MARCO: variants seen among roughly 807,000 people sequenced by gnomAD.
MARCO encodes macrophage receptor MARCO.
A neutral mutation model predicts 70.0 loss-of-function variants in MARCO; 72 were observed. The ratio of observed to expected loss-of-function variants is 1.03; its 90% CI spans 0.85 to 1.25. The LOEUF is 1.25. Ranked by LOEUF, MARCO falls within the 50% of genes most tolerant of loss-of-function variation. The pLI, the probability that MARCO is intolerant of heterozygous loss-of-function variation, is 0.00. For missense variants in MARCO, 696 were observed against 659.3 expected (o/e 1.06, Z -0.61); for synonymous variants, 273 against 243.1 (o/e 1.12, Z -1.14).
chr2:118,968,224 A>T lies in MARCO; in HGVS notation c.98-936A>T, dbSNP rs566420582. On this transcript the variant is annotated intron_variant, in intron 1 of 16. Coordinates refer to ENST00000327097, the MANE Select transcript of MARCO (RefSeq NM_006770.4). ...ACAAGACAGAGTAACAGCTGACGAA[A>T]GACTAGAGTCAGGACTTCCAGGCAA... Among the ~76,000 whole-genome samples, 58 of 152,306 alleles carry T rather than the reference A, an allele frequency of 3.8e-4. No homozygotes were observed. In the Middle Eastern group the frequency reaches 0.017, roughly 45 times the overall value.
chr2:118,964,862 TG>T (rs1203821340), intron 1 of MARCO, among the ~76,000 whole-genome samples: 1 of 145,844 alleles, frequency 6.9e-6, no homozygotes, highest in Non-Finnish European at 1.5e-5. Context: ...CACTCCAGCC[TG>T]GGCGACAGAG....
intron 6 of MARCO, among the ~76,000 whole-genome samples, chr2:118,975,813 C>T (rs1340493099): frequency 1.3e-5 from 2 of 152,224 alleles, no homozygotes; most frequent in Non-Finnish European, 2.9e-5. Context: ...CGTGTCTGAG[C>T]ACACATCTAT....
At chr2:118,950,458 A>T (rs201226051) in intron 1 of MARCO, among the ~76,000 whole-genome samples, 144 of 152,010 alleles carry the variant, frequency 9.5e-4, no homozygotes, top group South Asian at 1.9e-3. Flanking sequence ...TCAAAACAAA[A>T]TTTTTTTAAC....
rs903218377 is a variant in MARCO, at chr2:118,988,331, T to C, written c.1064-2258T>C. On this transcript the variant is annotated intron_variant, in intron 12 of 16. Coordinates refer to ENST00000327097, the MANE Select transcript of MARCO (RefSeq NM_006770.4). ...TGCTGCTCGGTGCTTTAGGGGACAGTTGGAGGGGTGCATCTCTTTAGGTGG... is the reference window on the plus strand; with the variant it reads ...TGCTGCTCGGTGCTTTAGGGGACAGCTGGAGGGGTGCATCTCTTTAGGTGG... 1.1e-4 allele frequency among the ~76,000 whole-genome samples: 16 copies of C among 151,988 alleles called. 1 individual carries two copies. Among genetic ancestry groups the C allele is most frequent in the African/African-American group, 3.4e-4 (14 of 41,416 alleles).
chr2:118,963,466 T>C (rs1316956310), intron 1 of MARCO, among the ~76,000 whole-genome samples: 2 of 152,148 alleles, frequency 1.3e-5, no homozygotes, highest in African/African-American at 4.8e-5. Context: ...CTGTATGACC[T>C]TGGTTTTTTT....
Position 118,977,866 on chromosome 2 carries a change from G to C in MARCO, c.697G>C (p.Asp233His). ...CCAAGGAGAGAAGGGCAGCAAAGGCGATGGGGGTCTCATTGGCCCAAAAGG... is the reference window on the plus strand; with the variant it reads ...CCAAGGAGAGAAGGGCAGCAAAGGCCATGGGGGTCTCATTGGCCCAAAAGG... ...GPQGEKGSKG[D>H]GGLIGPKGET... Residue 233 changes from aspartate to histidine, a missense_variant, in exon 8 of 17, where the codon GAT (aspartate) becomes CAT (histidine). This residue lies in a region of MARCO where 605 missense variants were observed against 537.6 expected (regional missense o/e 1.13). Coordinates refer to ENST00000327097, the MANE Select transcript of MARCO (RefSeq NM_006770.4). The C allele has an allele frequency of 6.2e-7, 1 of 1,613,204 alleles. No homozygotes were observed.
At chr2:118,957,998 C>A (rs1471975414) in intron 1 of MARCO, among the ~76,000 whole-genome samples, 1 of 151,892 alleles carries the variant, frequency 6.6e-6, no homozygotes, top group Non-Finnish European at 1.5e-5. Context: ...AAGGGATATA[C>A]CTTAATGTAA....
At chr2:118,970,939 C>T (rs546726397) in intron 3 of MARCO, among the ~76,000 whole-genome samples, 67 of 152,302 alleles carry the variant, frequency 4.4e-4, no homozygotes, top group African/African-American at 1.6e-3. Flanking sequence ...TTGCTCTGGG[C>T]CCTGTGTGAG....
chr2:118,970,430 G>A, intron 3 of MARCO, 92 bp downstream of exon 3: 1 of 998,050 alleles, frequency 1.0e-6, no homozygotes, highest in Non-Finnish European at 1.5e-6. Context: ...CCCTGTCCAA[G>A]CAAAGTGTGA....
At chr2:118,973,527 C>T (rs903286102) in intron 4 of MARCO, among the ~76,000 whole-genome samples, 1 of 152,210 alleles carries the variant, frequency 6.6e-6, no homozygotes. Context: ...ATTCCCCGCC[C>T]ATCACCCTTT....
intron 3 of MARCO, among the ~76,000 whole-genome samples, chr2:118,971,216 G>A (rs986459679): frequency 1.3e-5 from 2 of 152,100 alleles, no homozygotes; most frequent in South Asian, 2.1e-4. Flanking sequence ...ACCTCCTCAG[G>A]CTGGTTTGAA....
chr2:118,970,344 G>A lies in MARCO; in HGVS notation c.424+6G>A, dbSNP rs200244039. ...CAACTTCACTCAGAACCCAGGTTTGGCCTCCTCCCCTCTGGGTCAGGACTT... is the reference window on the plus strand; with the variant it reads ...CAACTTCACTCAGAACCCAGGTTTGACCTCCTCCCCTCTGGGTCAGGACTT... On this transcript the variant is annotated splice_donor_region_variant and intron_variant, in intron 3 of 16. Transcript: ENST00000327097. 77 of 1,605,552 alleles carry A rather than the reference G, an allele frequency of 4.8e-5. 1 individual carries two copies. The Admixed American group carries it at 9.8e-4, about 20-fold the overall frequency.
At chr2:118,984,020 A>G (rs1162788148) in intron 12 of MARCO, among the ~76,000 whole-genome samples, 2 of 152,190 alleles carry the variant, frequency 1.3e-5, no homozygotes, top group Admixed American at 6.5e-5. Flanking sequence ...CTTGACACCC[A>G]GTGGGACAAG....
intron 16 of MARCO, among the ~76,000 whole-genome samples, chr2:118,993,754 G>A (rs1680669031): frequency 6.6e-6 from 1 of 152,212 alleles, no homozygotes; most frequent in African/African-American, 2.4e-5. Context: ...AGAGAAGATG[G>A]GAAGGGAAGA....
At chr2:118,990,940 A>G (rs1343429416) in intron 13 of MARCO, among the ~76,000 whole-genome samples, 1 of 152,210 alleles carries the variant, frequency 6.6e-6, no homozygotes, top group Non-Finnish European at 1.5e-5. Flanking sequence ...CAGGCTCTAC[A>G]GCCGCCATGG....
At chr2:118,984,019 C>A (rs1680441684) in intron 12 of MARCO, among the ~76,000 whole-genome samples, 1 of 152,180 alleles carries the variant, frequency 6.6e-6, no homozygotes, top group Admixed American at 6.5e-5. Flanking sequence ...TCTTGACACC[C>A]AGTGGGACAA....
intron 12 of MARCO, among the ~76,000 whole-genome samples, chr2:118,990,302 G>C (rs557670023): frequency 6.6e-6 from 1 of 152,196 alleles, no homozygotes; most frequent in African/African-American, 2.4e-5. Flanking sequence ...TTAGATGCCA[G>C]GTCAGGTTAC....
At chr2:118,991,439 T>G (rs1186527793) in intron 13 of MARCO, among the ~76,000 whole-genome samples, 2 of 152,174 alleles carry the variant, frequency 1.3e-5, no homozygotes, top group African/African-American at 2.4e-5. Context: ...TGTTACTATT[T>G]CAATTCACTA....
At chr2:118,962,033 G>A (rs1028640524) in intron 1 of MARCO, among the ~76,000 whole-genome samples, 4 of 151,862 alleles carry the variant, frequency 2.6e-5, no homozygotes, top group Admixed American at 1.3e-4. Flanking sequence ...GCTCGTAGAC[G>A]TGCGGTCTTA....
Sources: allele counts gnomAD v4.1 joint callset (sites outside exome capture counted in the v4.1 genomes callset), GRCh38; gene constraint gnomAD v4.1.1; regional missense constraint gnomAD v4.1.1; transcripts MANE v1.5; gene names NCBI Gene and HGNC (gene_info 2026-07-23, HGNC 2026-07-21).